Variants in KCNH7 observed in about 807,000 individuals in gnomAD.
KCNH7 encodes voltage-gated inwardly rectifying potassium channel KCNH7.
A neutral mutation model predicts 120.8 loss-of-function variants in KCNH7; 49 were observed. That is an observed-to-expected ratio of 0.41 (90% confidence interval 0.32 to 0.51). The LOEUF is 0.51. Ranked by LOEUF, KCNH7 falls within the 20% of genes least tolerant of loss-of-function variation. The pLI is 0.38. For missense variants in KCNH7, 1,097 were observed against 1,446.6 expected (o/e 0.76, Z 3.92); for synonymous variants, 547 against 516.1 (o/e 1.06, Z -0.81).
chr2:162,743,241 C>T (rs180747590), intron 2 of KCNH7, among the ~76,000 whole-genome samples: 92 of 152,144 alleles, frequency 6.0e-4, no homozygotes, highest in Middle Eastern at 3.4e-3. Context: ...TTTTTGCATA[C>T]CGTTTTTAGC....
At chr2:162,440,106 A>T (rs762021036) in intron 7 of KCNH7, among the ~76,000 whole-genome samples, 170 of 151,912 alleles carry the variant, frequency 1.1e-3, no homozygotes, top group Admixed American at 2.3e-3. Context: ...CAAAAATATT[A>T]AAAAATTTTT....
intron 3 of KCNH7, among the ~76,000 whole-genome samples, chr2:162,522,055 G>T (rs1003018407): frequency 1.3e-5 from 2 of 151,792 alleles, no homozygotes; most frequent in African/African-American, 4.8e-5. Context: ...ACCAATCTGC[G>T]CAAATAAGAT....
chr2:162,623,414 C>T (rs931011605), intron 2 of KCNH7, among the ~76,000 whole-genome samples: 10 of 152,034 alleles, frequency 6.6e-5, no homozygotes, highest in African/African-American at 2.2e-4. Context: ...TATACTTTGG[C>T]TAAGATTTAT....
intron 2 of KCNH7, among the ~76,000 whole-genome samples, chr2:162,801,083 G>T (rs1376793629): frequency 2.0e-5 from 3 of 151,660 alleles, no homozygotes; most frequent in East Asian, 3.9e-4. Flanking sequence ...AAACACAAGG[G>T]TTCTCTATTT....
At chr2:162,462,274 C>T (rs545847920) in intron 6 of KCNH7, among the ~76,000 whole-genome samples, 4 of 152,134 alleles carry the variant, frequency 2.6e-5, no homozygotes, top group East Asian at 3.9e-4. Flanking sequence ...ACATACTACT[C>T]GACCATGGTG....
chr2:162,624,517 G>A (rs1161041655), intron 2 of KCNH7, among the ~76,000 whole-genome samples: 1 of 152,106 alleles, frequency 6.6e-6, no homozygotes, highest in Non-Finnish European at 1.5e-5. Flanking sequence ...AATGCATGGT[G>A]TAAACCTGGT....
At chr2:162,818,039 G>A (rs1684976745) in intron 2 of KCNH7, among the ~76,000 whole-genome samples, 1 of 151,850 alleles carries the variant, frequency 6.6e-6, no homozygotes, top group South Asian at 2.1e-4. Flanking sequence ...TTTCTTAATG[G>A]AAACTGTGTA....
intron 2 of KCNH7, among the ~76,000 whole-genome samples, chr2:162,698,652 T>C (rs1349449754): frequency 6.6e-6 from 1 of 152,126 alleles, no homozygotes; most frequent in African/African-American, 2.4e-5. Flanking sequence ...CATTTCTAGG[T>C]TCTACATTTA....
At chr2:162,376,625 G>C (rs1290959167) in intron 14 of KCNH7, among the ~76,000 whole-genome samples, 1 of 152,066 alleles carries the variant, frequency 6.6e-6, no homozygotes, top group Non-Finnish European at 1.5e-5. Context: ...GCCTTTCAAA[G>C]TGCTGGGATT....
At chr2:162,529,558 T>C (rs1249114179) in intron 3 of KCNH7, among the ~76,000 whole-genome samples, 1 of 151,932 alleles carries the variant, frequency 6.6e-6, no homozygotes, top group Non-Finnish European at 1.5e-5. Flanking sequence ...TAATTTAAAA[T>C]GAAACAAAAA....
chr2:162,614,777 G>T (rs1683085757), intron 2 of KCNH7, among the ~76,000 whole-genome samples: 1 of 149,906 alleles, frequency 6.7e-6, no homozygotes, highest in Non-Finnish European at 1.5e-5. Flanking sequence ...ACAAAATTTA[G>T]GATAGTTACT....
intron 2 of KCNH7, among the ~76,000 whole-genome samples, chr2:162,553,543 G>C (rs1692754344): frequency 6.6e-6 from 1 of 152,106 alleles, no homozygotes; most frequent in African/African-American, 2.4e-5. Context: ...CAGCTACTCG[G>C]GAGGCTGAGG....
At chr2:162,698,388 T>C (rs1686369259) in intron 2 of KCNH7, among the ~76,000 whole-genome samples, 1 of 151,952 alleles carries the variant, frequency 6.6e-6, no homozygotes, top group South Asian at 2.1e-4. Context: ...GGTCAGTGAA[T>C]GTATATTTTT....
At chr2:162,389,067 C>T (rs1487363392) in intron 12 of KCNH7, among the ~76,000 whole-genome samples, 3 of 151,958 alleles carry the variant, frequency 2.0e-5, no homozygotes, top group South Asian at 2.1e-4. Flanking sequence ...CCTTGATTTC[C>T]ATCTCTTCGG....
At chr2:162,544,144 T>C (rs1250049803) in intron 2 of KCNH7, among the ~76,000 whole-genome samples, 2 of 152,126 alleles carry the variant, frequency 1.3e-5, no homozygotes, top group South Asian at 2.1e-4. Context: ...GCCCTTGGTT[T>C]ATTTCTTGTA....
At chr2:162,572,967 C>T (rs1047674252) in intron 2 of KCNH7, among the ~76,000 whole-genome samples, 1 of 152,002 alleles carries the variant, frequency 6.6e-6, no homozygotes, top group East Asian at 1.9e-4. Context: ...TTAGTGGGTG[C>T]AGTGCACCAG....
chr2:162,427,563 A>G lies in KCNH7; in HGVS notation c.1955-4028T>C, dbSNP rs181387511. ...AAATTGAGTTGTCTTCTTATTATGG[A>G]TTTGTAAGAATTATTGATATATTCT... On this transcript the variant is annotated intron_variant, in intron 8 of 15. Transcript: ENST00000332142. Among the ~76,000 whole-genome samples the G allele has an allele frequency of 4.1e-4, 62 of 151,798 alleles. No homozygotes were observed. In the East Asian group the frequency reaches 0.012, roughly 28 times the overall value.
At position 162,561,761 on chromosome 2, in the gene KCNH7, C is replaced by T. The variant is rs559681306; in HGVS notation, c.308-24681G>A. Among the ~76,000 whole-genome samples the T allele has an allele frequency of 1.1e-4, 16 of 152,212 alleles. No homozygotes were observed. In the South Asian group the frequency reaches 2.3e-3, roughly 22 times the overall value. Reference sequence around the variant, plus strand: ...ATTCTACTATAAAGACACATGCACACGTATGTTTACTGCAGCATTGTTCAC... The same window carrying T: ...ATTCTACTATAAAGACACATGCACATGTATGTTTACTGCAGCATTGTTCAC... On this transcript the variant is annotated intron_variant, in intron 2 of 15. Transcript: ENST00000332142.
chr2:162,667,492 T>C (rs1317185048), intron 2 of KCNH7, among the ~76,000 whole-genome samples: 3 of 152,180 alleles, frequency 2.0e-5, no homozygotes, highest in Non-Finnish European at 2.9e-5. Flanking sequence ...CCTCTGACCA[T>C]ATATTCCTCT....
Sources: gnomAD v4.1 joint callset for allele counts (sites outside exome capture counted in the v4.1 genomes callset) on GRCh38, gnomAD v4.1.1 for gene constraint, MANE v1.5 for transcripts, NCBI Gene and HGNC (gene_info 2026-07-23, HGNC 2026-07-21) for gene names.